The following CAMK2D variants were observed in gnomAD, a reference collection of about 807,000 sequenced individuals.
The protein encoded by CAMK2D is calcium/calmodulin-dependent protein kinase type II subunit delta.
A neutral mutation model predicts 84.0 loss-of-function variants in CAMK2D; 37 were observed. The ratio of observed to expected loss-of-function variants is 0.44; its 90% CI spans 0.34 to 0.58. CAMK2D has a LOEUF of 0.58. Among genes scored for constraint, CAMK2D ranks in the 20% least tolerant of loss-of-function variants. The probability of loss-of-function intolerance (pLI) is 0.02; values close to 1 mark genes in which losing one functional copy is unlikely to be tolerated. For synonymous variants in CAMK2D, 202 were observed against 212.5 expected, an observed-to-expected ratio of 0.95 and a Z score of 0.43; for missense variants, 448 against 652.5, an observed-to-expected ratio of 0.69 and a Z score of 3.41.
chr4:113,696,187 GACACACAGACACACACAC>G (rs1478052011), intron 2 of CAMK2D, among the ~76,000 whole-genome samples: 2 of 68,756 alleles, frequency 2.9e-5, no homozygotes, highest in Non-Finnish European at 5.7e-5. Context: ...CAGACACACA[GACACACAGACACACACAC>G]ACACACACAC....
intron 8 of CAMK2D, among the ~76,000 whole-genome samples, chr4:113,527,812 T>C (rs1317764280): frequency 1.3e-5 from 2 of 152,190 alleles, no homozygotes; most frequent in East Asian, 3.8e-4. Flanking sequence ...ATATGATGTT[T>C]TGATATTTAC....
At chr4:113,639,740 T>C (rs893090614) in intron 3 of CAMK2D, among the ~76,000 whole-genome samples, 1 of 150,780 alleles carries the variant, frequency 6.6e-6, no homozygotes, top group African/African-American at 2.4e-5. Context: ...AATAAGAAAT[T>C]ACAGTTTTGG....
intron 2 of CAMK2D, among the ~76,000 whole-genome samples, chr4:113,750,887 C>T (rs1469312966): frequency 6.6e-6 from 1 of 152,038 alleles, no homozygotes; most frequent in Non-Finnish European, 1.5e-5. Context: ...GGGCATGGTG[C>T]CACATGACTG....
intron 3 of CAMK2D, among the ~76,000 whole-genome samples, chr4:113,610,556 G>T (rs1472498245): frequency 6.6e-6 from 1 of 151,958 alleles, no homozygotes; most frequent in East Asian, 1.9e-4. Flanking sequence ...CATCCCCTTT[G>T]GATCTCATTC....
intron 2 of CAMK2D, among the ~76,000 whole-genome samples, chr4:113,719,185 T>C (rs2099522734): frequency 6.6e-6 from 1 of 152,172 alleles, no homozygotes; most frequent in East Asian, 1.9e-4. Flanking sequence ...TAGGAAGCCA[T>C]TGATTTGGAC....
At chr4:113,460,021 G>T in intron 18 of CAMK2D, 126 bp downstream of exon 18, 1 of 674,980 alleles carries the variant, frequency 1.5e-6, no homozygotes, top group Admixed American at 2.6e-5. Context: ...CAAAACCATT[G>T]TATGGTTTCA....
intron 2 of CAMK2D, among the ~76,000 whole-genome samples, chr4:113,751,176 G>C (rs965993439): frequency 2.0e-5 from 3 of 152,152 alleles, no homozygotes; most frequent in Admixed American, 2.0e-4. Flanking sequence ...CACAGAGGGG[G>C]AAAGTTGATG....
intron 13 of CAMK2D, among the ~76,000 whole-genome samples, chr4:113,507,097 A>G (rs1422030511): frequency 6.6e-6 from 1 of 152,202 alleles, no homozygotes; most frequent in Non-Finnish European, 1.5e-5. Context: ...TGTTAATGTA[A>G]AGACTAACTA....
chr4:113,688,192 C>A (rs2099365496), intron 2 of CAMK2D, among the ~76,000 whole-genome samples: 1 of 152,130 alleles, frequency 6.6e-6, no homozygotes, highest in Non-Finnish European at 1.5e-5. Context: ...CAGCATGAAG[C>A]AAACTAATGG....
chr4:113,693,150 G>C (rs2099393206), intron 2 of CAMK2D, among the ~76,000 whole-genome samples: 1 of 152,124 alleles, frequency 6.6e-6, no homozygotes, highest in Admixed American at 6.6e-5. Flanking sequence ...GAAGTATTCT[G>C]AGTAAGGGGT....
chr4:113,677,039 C>A (rs922898046), intron 2 of CAMK2D, among the ~76,000 whole-genome samples: 1 of 152,186 alleles, frequency 6.6e-6, no homozygotes, highest in Non-Finnish European at 1.5e-5. Context: ...CAGCCTCACT[C>A]CCCTACACTA....
At chr4:113,533,732 A>T (rs2098472443) in intron 7 of CAMK2D, among the ~76,000 whole-genome samples, 1 of 152,012 alleles carries the variant, frequency 6.6e-6, no homozygotes, top group African/African-American at 2.4e-5. Flanking sequence ...CATAAGAGAA[A>T]CAGAATATAT....
intron 4 of CAMK2D, among the ~76,000 whole-genome samples, chr4:113,555,960 G>A (rs1312443677): frequency 6.6e-6 from 1 of 152,038 alleles, no homozygotes. Context: ...AAAGTCAGTA[G>A]CCTGCAATCC....
intron 4 of CAMK2D, among the ~76,000 whole-genome samples, chr4:113,580,822 G>A (rs2098804658): frequency 6.8e-6 from 1 of 147,970 alleles, no homozygotes; most frequent in South Asian, 2.1e-4. Flanking sequence ...AATTCAAGTT[G>A]GCTATAATTA....
chr4:113,614,689 T>G (rs1049499504), intron 3 of CAMK2D, among the ~76,000 whole-genome samples: 6 of 152,160 alleles, frequency 3.9e-5, no homozygotes, highest in African/African-American at 1.4e-4. Context: ...CTCATAGAAT[T>G]ATCACAAATA....
rs894872921 is a variant in CAMK2D, at chr4:113,761,544, A to C, written c.-476T>G. On this transcript the variant is annotated 5_prime_UTR_variant, in exon 1 of 21. Transcript: ENST00000511664. ...CAGCGGGGCCGAGGCCGCGGAGCCCAGAGCGGACAGCCTGAGCCCAGCGGC... is the reference window on the plus strand; with the variant it reads ...CAGCGGGGCCGAGGCCGCGGAGCCCCGAGCGGACAGCCTGAGCCCAGCGGC... The C allele has an allele frequency of 1.0e-6, 1 of 998,992 alleles. No homozygotes were observed. Among genetic ancestry groups the C allele is most frequent in the Non-Finnish European group, 1.2e-6 (1 of 838,226 alleles). 61.9% of individuals were successfully genotyped at this position (998,992 alleles called of 1,614,324 possible).
chr4:113,709,664 T>C (rs1026010849), intron 2 of CAMK2D, among the ~76,000 whole-genome samples: 5 of 147,770 alleles, frequency 3.4e-5, no homozygotes, highest in East Asian at 2.0e-4. Context: ...GGTAACTATA[T>C]GAATAAACAA....
chr4:113,610,155 G>C (rs2098994176), intron 3 of CAMK2D, among the ~76,000 whole-genome samples: 1 of 151,866 alleles, frequency 6.6e-6, no homozygotes, highest in South Asian at 2.1e-4. Context: ...TTGTCCCCCA[G>C]GTACCAAGCC....
At chr4:113,696,207 C>G (rs1029612007) in intron 2 of CAMK2D, among the ~76,000 whole-genome samples, 31 of 143,990 alleles carry the variant, frequency 2.2e-4, no homozygotes, top group African/African-American at 4.4e-4. Context: ...CACACACACA[C>G]ACACACACAC....
Sources: allele counts gnomAD v4.1 joint callset (sites outside exome capture counted in the v4.1 genomes callset), GRCh38; gene constraint gnomAD v4.1.1; transcripts MANE v1.5; gene names NCBI Gene and HGNC (gene_info 2026-07-23, HGNC 2026-07-21).